The following PCF11 variants were observed in gnomAD, a reference collection of about 807,000 sequenced individuals.
The protein encoded by PCF11 is PCF11 cleavage and polyadenylation factor subunit, also known as pre-mRNA cleavage complex 2 protein Pcf11.
A neutral mutation model predicts 166.1 loss-of-function variants in PCF11; 19 were observed. That is an observed-to-expected ratio of 0.11 (90% CI 0.08 to 0.17). The LOEUF is 0.17. PCF11 is among the 10% of genes least tolerant of loss of function. The pLI is 1.00. For missense variants in PCF11, 1,565 were observed against 1,855.5 expected, an observed-to-expected ratio of 0.84 and a Z score of 2.88; for synonymous variants, 663 against 644.1, an observed-to-expected ratio of 1.03 and a Z score of -0.44.
chr11:83,179,987 G>A (rs1442812460), intron 11 of PCF11, among the ~76,000 whole-genome samples: 1 of 151,786 alleles, frequency 6.6e-6, no homozygotes, highest in African/African-American at 2.4e-5. Flanking sequence ...CCTCCATGTA[G>A]TTATAAGACT....
exon 10 of PCF11, chr11:83,177,101 A>G (rs1424670916): frequency 1.3e-6 from 2 of 1,560,758 alleles, no homozygotes; most frequent in Non-Finnish European, 1.7e-6. Context: ...TCCCTAAGGC[A>G]TATCCTGATA....
chr11:83,182,038 C>A, intron 13 of PCF11, 29 bp downstream of exon 13: 2 of 1,570,160 alleles, frequency 1.3e-6, no homozygotes, highest in South Asian at 1.2e-5. Flanking sequence ...AGTTTTCTCA[C>A]AGTGGGAGTG....
At chr11:83,185,108 A>G (rs1307541125) in exon 16 of PCF11, 3 of 433,032 alleles carry the variant, frequency 6.9e-6, no homozygotes, top group Non-Finnish European at 8.1e-6. Context: ...AGTTCTGTAG[A>G]TGTGTGCAAA....
chr11:83,173,477 A>C (rs1214255198), intron 9 of PCF11, among the ~76,000 whole-genome samples: 2 of 151,724 alleles, frequency 1.3e-5, no homozygotes, highest in Admixed American at 1.3e-4. Flanking sequence ...AAAACCAAAA[A>C]AAAAACATGA....
chr11:83,185,077 T>C (rs1861234266), exon 16 of PCF11: 1 of 492,694 alleles, frequency 2.0e-6, no homozygotes, highest in Non-Finnish European at 3.5e-6. Flanking sequence ...CCTGCAGAGT[T>C]TCAGGTGCTT....
exon 8 of PCF11, chr11:83,168,865 G>A (rs1860571110): frequency 1.9e-6 from 3 of 1,613,660 alleles, no homozygotes; most frequent in African/African-American, 1.3e-5. Flanking sequence ...AGCAGGAGGA[G>A]GTGGTTTTCG....
At chr11:83,184,465 C>A in intron 15 of PCF11, 1 of 494,512 alleles carries the variant, frequency 2.0e-6, no homozygotes, top group Non-Finnish European at 3.5e-6. Flanking sequence ...TAGCTGTTAA[C>A]TGCTTAACTC....
At chr11:83,166,879 T>G (rs1181869846) in intron 5 of PCF11, among the ~76,000 whole-genome samples, 165 bp downstream of exon 5, 1 of 152,194 alleles carries the variant, frequency 6.6e-6, no homozygotes, top group Admixed American at 6.5e-5. Flanking sequence ...ATTTTACAGA[T>G]AAGGAAACTG....
At position 83,167,318 on chromosome 11, in the gene PCF11, A is replaced by T. The variant is rs775862644; in HGVS notation, c.2001+10A>T. The stretch of plus-strand genomic sequence containing the variant: ...AGAATTACTTCAAAAGGTAGTTACT[A>T]TGATTAATCCCATGTAGTCATCATT... On this transcript the variant is annotated intron_variant, in intron 6 of 15. Transcript: ENST00000298281. The surrounding 1 kb of genome is among the most constrained non-coding windows in gnomAD (Gnocchi z 4.2). 4 of 1,609,040 alleles carry T rather than the reference A, an allele frequency of 2.5e-6. No homozygotes were observed. In the African/African-American group the frequency reaches 4.0e-5, roughly 16 times the overall value.
chr11:83,166,969 G>T (rs1430029875), intron 5 of PCF11, among the ~76,000 whole-genome samples, 156 bp from the exon 6 acceptor site: 1 of 152,186 alleles, frequency 6.6e-6, no homozygotes, highest in East Asian at 1.9e-4. Flanking sequence ...TGTTTTTGCT[G>T]ATTTCATATT....
At chr11:83,159,037 A>C (rs1322102898) in intron 1 of PCF11, among the ~76,000 whole-genome samples, 1 of 152,168 alleles carries the variant, frequency 6.6e-6, no homozygotes, top group East Asian at 1.9e-4. Context: ...TCTTCACAAG[A>C]TACACGGTTT....
intron 9 of PCF11, among the ~76,000 whole-genome samples, chr11:83,172,946 A>G (rs1860737436): frequency 6.6e-6 from 1 of 152,198 alleles, no homozygotes; most frequent in African/African-American, 2.4e-5. Flanking sequence ...AAGAAATTCA[A>G]TGAATTTGGA....
intron 2 of PCF11, among the ~76,000 whole-genome samples, chr11:83,162,556 G>A (rs1373132665): frequency 6.6e-6 from 1 of 152,118 alleles, no homozygotes; most frequent in African/African-American, 2.4e-5. Context: ...TCTTGGTTTC[G>A]GTTTCAGTAT....
At chr11:83,157,396 T>G in exon 1 of PCF11, 1 of 1,575,648 alleles carries the variant, frequency 6.3e-7, no homozygotes, top group South Asian at 1.1e-5. Context: ...CCAGAGCGGC[T>G]TCAGCTTCAG....
rs1393109383 is a variant in PCF11, at chr11:83,172,130, G to A, written c.3757+216G>A. On this transcript the variant is annotated intron_variant, in intron 9 of 15. Coordinates refer to ENST00000298281, the Ensembl canonical transcript of PCF11. ...CTATTTACAGCTAGAGATGGTTAGCGGGGACTTGTAGTCCACTAAACAAAG... is the reference window on the plus strand; with the variant it reads ...CTATTTACAGCTAGAGATGGTTAGCAGGGACTTGTAGTCCACTAAACAAAG... 2.0e-5 allele frequency among the ~76,000 whole-genome samples: 3 copies of A among 152,214 alleles called. No homozygotes were observed. The East Asian group carries it at 5.8e-4, about 29-fold the overall frequency.
At chr11:83,170,432 C>T (rs970536954) in intron 8 of PCF11, among the ~76,000 whole-genome samples, 1 of 152,080 alleles carries the variant, frequency 6.6e-6, no homozygotes, top group Non-Finnish European at 1.5e-5. Flanking sequence ...AAATTGTGTC[C>T]CTGCTTTCAC....
chr11:83,180,443 T>A (rs1349531920), intron 11 of PCF11: 1 of 152,192 alleles, frequency 6.6e-6, no homozygotes, highest in Non-Finnish European at 1.5e-5. Context: ...TACTTGGTCT[T>A]CTATATATAC....
exon 1 of PCF11, chr11:83,157,136 A>C (rs1860013278): frequency 1.8e-6 from 1 of 550,140 alleles, no homozygotes; most frequent in Non-Finnish European, 3.2e-6. Flanking sequence ...ATTTCGCACG[A>C]CGCAGCGGTT....
At position 83,167,460 on chromosome 11, in the gene PCF11, CTTG is replaced by C. The variant is rs1860510865; in HGVS notation, c.2055_2057del (p.Val686del). 2.5e-6 allele frequency: 4 copies of C among 1,610,380 alleles called. No homozygotes were observed. Among genetic ancestry groups the C allele is most frequent in the South Asian group, 1.1e-5 (1 of 90,438 alleles). The stretch of plus-strand genomic sequence containing the variant: ...TGGTGAAATTACACAGGATGACTTC[CTTG>C]TTGTTGTGCATCAAATTCGACAGCT... On this transcript the variant is annotated inframe_deletion, in exon 7 of 16. Transcript: ENST00000298281. The surrounding 1 kb of genome is among the most constrained non-coding windows in gnomAD (Gnocchi z 4.2).
Sources: allele counts gnomAD v4.1 joint callset (sites outside exome capture counted in the v4.1 genomes callset), GRCh38; gene constraint gnomAD v4.1.1; non-coding constraint Gnocchi (gnomAD v3.1); transcripts MANE v1.5; gene names NCBI Gene and HGNC (gene_info 2026-07-23, HGNC 2026-07-21).